Variants in SMARCC1 observed in about 807,000 individuals in gnomAD.
The protein encoded by SMARCC1 is SWI/SNF complex subunit SMARCC1.
SMARCC1 carries 43 observed loss-of-function variants against 147.4 expected under a neutral mutation model. The observed-to-expected ratio is 0.29, with a 90% CI of 0.23 to 0.38. SMARCC1 has a LOEUF of 0.38. SMARCC1 is among the 10% of genes least tolerant of loss of function. The pLI is 1.00. For missense variants in SMARCC1, 1,119 were observed against 1,381.1 expected, an observed-to-expected ratio of 0.81 and a Z score of 3.01; for synonymous variants, 495 against 484.4, an observed-to-expected ratio of 1.02 and a Z score of -0.29.
chr3:47,742,111 G>A (rs1425484171), intron 3 of SMARCC1, among the ~76,000 whole-genome samples: 1 of 152,026 alleles, frequency 6.6e-6, no homozygotes, highest in African/African-American at 2.4e-5. Context: ...ACAGGCATGA[G>A]CCACCACACC....
At chr3:47,734,248 A>G (rs2034413296) in intron 5 of SMARCC1, among the ~76,000 whole-genome samples, 1 of 152,164 alleles carries the variant, frequency 6.6e-6, no homozygotes, top group Non-Finnish European at 1.5e-5. Flanking sequence ...ATATTCCAAA[A>G]GAGAGATGTT....
At chr3:47,635,505 G>T (rs1241583636) in intron 23 of SMARCC1, among the ~76,000 whole-genome samples, 161 bp from the exon 24 acceptor site, 1 of 152,078 alleles carries the variant, frequency 6.6e-6, no homozygotes, top group Admixed American at 6.5e-5. Flanking sequence ...CATGCATTTA[G>T]GTTTGCCTCT....
At chr3:47,757,782 T>C (rs1475890813) in intron 2 of SMARCC1, among the ~76,000 whole-genome samples, 2 of 80,776 alleles carry the variant, frequency 2.5e-5, no homozygotes, top group Admixed American at 1.3e-4. Context: ...AGGCTCCGTA[T>C]CAAAAAAAAA....
At chr3:47,677,530 G>A (rs2033589503) in intron 16 of SMARCC1, among the ~76,000 whole-genome samples, 1 of 150,948 alleles carries the variant, frequency 6.6e-6, no homozygotes, top group South Asian at 2.1e-4. Flanking sequence ...GTAAAATCTA[G>A]AAGGCTAAAT....
At chr3:47,593,235 G>C (rs1195333708) in intron 26 of SMARCC1, among the ~76,000 whole-genome samples, 10 of 150,630 alleles carry the variant, frequency 6.6e-5, no homozygotes, top group African/African-American at 2.4e-4. Flanking sequence ...GCTGTGTCGC[G>C]ATCCTGGCTC....
At chr3:47,604,437 C>T in intron 26 of SMARCC1, 1 of 383,114 alleles carries the variant, frequency 2.6e-6, no homozygotes, top group Non-Finnish European at 5.1e-6. Flanking sequence ...CTTCAGCTCC[C>T]AATGTAAGCT....
chr3:47,630,631 A>AT (rs1553676442), intron 24 of SMARCC1, among the ~76,000 whole-genome samples: 1 of 152,190 alleles, frequency 6.6e-6, no homozygotes, highest in Non-Finnish European at 1.5e-5. Flanking sequence ...CAAATGGGCT[A>AT]TTTTTTCCTG....
At chr3:47,650,546 T>A (rs2033177698) in intron 21 of SMARCC1, among the ~76,000 whole-genome samples, 1 of 152,046 alleles carries the variant, frequency 6.6e-6, no homozygotes, top group South Asian at 2.1e-4. Flanking sequence ...TTGAGTGCAG[T>A]GGCTCATGAC....
chr3:47,761,604 T>C (rs1354922587), intron 2 of SMARCC1, among the ~76,000 whole-genome samples: 1 of 152,124 alleles, frequency 6.6e-6, no homozygotes, highest in Non-Finnish European at 1.5e-5. Flanking sequence ...CTCAAGTGAC[T>C]ACGACTGCTG....
chr3:47,630,050 T>G (rs1253864852), intron 24 of SMARCC1, among the ~76,000 whole-genome samples: 2 of 151,282 alleles, frequency 1.3e-5, no homozygotes, highest in African/African-American at 4.9e-5. Context: ...CTGAGAAGAA[T>G]GATGAGGTCT....
At position 47,695,493 on chromosome 3, in the gene SMARCC1, G is replaced by A. The variant is rs139043778; in HGVS notation, c.1166-2193C>T. ...ATAAAAGTTACTTTGTCATCCGGGC[G>A]CGGTGGCTCATGCTTGTAATCGCAG... On this transcript the variant is annotated intron_variant, in intron 11 of 27. Transcript: ENST00000254480. Among the ~76,000 whole-genome samples, 806 of 152,184 alleles carry A rather than the reference G, an allele frequency of 5.3e-3. 6 individuals are homozygous for A. The highest frequency in any genetic ancestry group is 0.018 in the African/African-American group (752 of 41,510).
intron 21 of SMARCC1, among the ~76,000 whole-genome samples, chr3:47,646,420 C>A (rs906402042): frequency 6.6e-6 from 1 of 152,152 alleles, no homozygotes; most frequent in African/African-American, 2.4e-5. Context: ...TAATCTGACC[C>A]ATGTCTGCAG....
chr3:47,650,332 A>G (rs979250505), intron 21 of SMARCC1, among the ~76,000 whole-genome samples: 8 of 148,724 alleles, frequency 5.4e-5, no homozygotes, highest in Non-Finnish European at 1.0e-4. Context: ...AGAAAAAAAT[A>G]AAAACATTTC....
intron 1 of SMARCC1, among the ~76,000 whole-genome samples, chr3:47,775,977 G>A (rs946594386): frequency 1.3e-5 from 2 of 151,278 alleles, no homozygotes; most frequent in East Asian, 2.0e-4. Context: ...GTGAAACCCC[G>A]TCTCTACTAA....
chr3:47,748,460 G>T (rs909418610), intron 2 of SMARCC1, among the ~76,000 whole-genome samples: 3 of 152,142 alleles, frequency 2.0e-5, no homozygotes, highest in Non-Finnish European at 4.4e-5. Context: ...TTGATCTCAA[G>T]TGATCCGCCC....
At chr3:47,618,821 A>G (rs2032686168) in intron 25 of SMARCC1, among the ~76,000 whole-genome samples, 1 of 152,122 alleles carries the variant, frequency 6.6e-6, no homozygotes, top group Non-Finnish European at 1.5e-5. Context: ...AGTGCTGAGG[A>G]AAGAGCTCCT....
At chr3:47,721,998 G>A (rs1454186221) in intron 6 of SMARCC1, among the ~76,000 whole-genome samples, 3 of 152,000 alleles carry the variant, frequency 2.0e-5, no homozygotes, top group Non-Finnish European at 2.9e-5. Flanking sequence ...CTTCAGGCTG[G>A]GCAAAAATGA....
At chr3:47,739,590 T>TCC (rs2034484453) in intron 3 of SMARCC1, among the ~76,000 whole-genome samples, 1 of 152,144 alleles carries the variant, frequency 6.6e-6, no homozygotes, top group Non-Finnish European at 1.5e-5. Flanking sequence ...CACCTCAGCC[T>TCC]CCCAAAGTGC....
intron 27 of SMARCC1, among the ~76,000 whole-genome samples, chr3:47,590,181 A>G (rs1197097200): frequency 6.6e-6 from 1 of 152,238 alleles, no homozygotes; most frequent in African/African-American, 2.4e-5. Context: ...GCCCCTGAAT[A>G]CTACTTTCTT....
Sources: gnomAD v4.1 joint callset for allele counts (sites outside exome capture counted in the v4.1 genomes callset) on GRCh38, gnomAD v4.1.1 for gene constraint, MANE v1.5 for transcripts, NCBI Gene and HGNC (gene_info 2026-07-23, HGNC 2026-07-21) for gene names.